The following KLF12 variants were observed in gnomAD, a reference collection of about 807,000 sequenced individuals.
The protein encoded by KLF12 is KLF transcription factor 12.
A neutral mutation model predicts 37.8 loss-of-function variants in KLF12; 9 were observed. The ratio of observed to expected loss-of-function variants is 0.24; its 90% CI spans 0.14 to 0.42. KLF12 has a LOEUF of 0.42. Among genes scored for constraint, KLF12 ranks in the 10% least tolerant of loss-of-function variants. The probability of loss-of-function intolerance (pLI) is 1.00; values close to 1 mark genes in which losing one functional copy is unlikely to be tolerated. For synonymous variants in KLF12, 208 were observed against 202.1 expected (o/e 1.03, Z -0.25); for missense variants, 411 against 516.0 (o/e 0.80, Z 1.97).
chr13:73,815,288 C>A (rs148150082), intron 4 of KLF12, among the ~76,000 whole-genome samples: 147 of 152,190 alleles, frequency 9.7e-4, no homozygotes, highest in Middle Eastern at 6.8e-3. Flanking sequence ...CCCAGTCACT[C>A]GAAGGGCACT....
rs887987916 is a variant in KLF12 at position 73,687,133 on chromosome 13, C to T, written c.*8357G>A. 4 of 152,594 alleles carry T rather than the reference C, an allele frequency of 2.6e-5. No individual in the cohort carries two copies. The highest frequency in any genetic ancestry group is 9.7e-5 in the African/African-American group (4 of 41,448). 9.5% of individuals were successfully genotyped at this position (152,594 alleles called of 1,614,324 possible). ...AGTTCTGAGTACATTCTTCTATGGA[C>T]AAACATGAATTTGCTGGTTTCTCTT... is the stretch of plus-strand genomic sequence containing the variant. On this transcript the variant is annotated 3_prime_UTR_variant, in exon 8 of 8. Coordinates refer to ENST00000377669, the MANE Select transcript of KLF12 (RefSeq NM_007249.5).
At chr13:73,872,468 T>C (rs1251097357) in intron 3 of KLF12, among the ~76,000 whole-genome samples, 1 of 152,174 alleles carries the variant, frequency 6.6e-6, no homozygotes, top group Non-Finnish European at 1.5e-5. Flanking sequence ...GGGCAGAATG[T>C]AAGGTGGGTG....
chr13:73,739,013 T>C (rs972958030), intron 6 of KLF12, among the ~76,000 whole-genome samples: 1 of 152,096 alleles, frequency 6.6e-6, no homozygotes, highest in African/African-American at 2.4e-5. Flanking sequence ...GGTGGGTGGA[T>C]CACTTGAAGT....
Position 73,695,376 on chromosome 13 carries a change from A to T in KLF12, c.*114T>A. 1.0e-6 allele frequency: 1 copy of T among 990,884 alleles called. No homozygotes were observed. 61.4% of individuals were successfully genotyped at this position (990,884 alleles called of 1,614,324 possible). ...TCTTTTTCCTGCTCTGGTTTCAGAC[A>T]TCGTGGGATGGTGATGCCCTTTTGT... On this transcript the variant is annotated 3_prime_UTR_variant, in exon 8 of 8. Transcript: ENST00000377669.
intron 7 of KLF12, 35 bp from the exon 8 acceptor site, chr13:73,695,706 C>T (rs1283465721): frequency 6.3e-7 from 1 of 1,596,092 alleles, no homozygotes; most frequent in Non-Finnish European, 8.6e-7. Flanking sequence ...CTTTGGTGCT[C>T]CATCCATCAC....
intron 4 of KLF12, among the ~76,000 whole-genome samples, chr13:73,841,078 G>C (rs1256600788): frequency 6.6e-6 from 1 of 152,114 alleles, no homozygotes; most frequent in Non-Finnish European, 1.5e-5. Context: ...AGCACTTGTA[G>C]CATCTGATAC....
the KLF12 span, among the ~76,000 whole-genome samples, chr13:74,197,610 C>T: frequency 0.03 from 4,641 of 152,202 alleles, 114 homozygotes; most frequent in Middle Eastern, 0.071. Context: ...AATATGGGAA[C>T]TCTTCCTGTC....
At chr13:73,710,750 T>C (rs944655436) in intron 7 of KLF12, among the ~76,000 whole-genome samples, 2 of 124,876 alleles carry the variant, frequency 1.6e-5, no homozygotes, top group African/African-American at 3.5e-5. Context: ...GACACAACAA[T>C]ATTGAAATTA....
chr13:74,209,939 C>G, the KLF12 span, among the ~76,000 whole-genome samples: 2 of 152,162 alleles, frequency 1.3e-5, no homozygotes, highest in Admixed American at 1.3e-4. Flanking sequence ...AATTCTTTGA[C>G]CAAATGTGTG....
At chr13:74,171,185 C>A in the KLF12 span, among the ~76,000 whole-genome samples, 1 of 152,182 alleles carries the variant, frequency 6.6e-6, no homozygotes, top group Non-Finnish European at 1.5e-5. Flanking sequence ...CCAGAAGGAT[C>A]CATCTCCTGA....
chr13:73,780,324 T>G (rs140843460), intron 5 of KLF12, among the ~76,000 whole-genome samples: 1 of 152,196 alleles, frequency 6.6e-6, no homozygotes, highest in Non-Finnish European at 1.5e-5. Flanking sequence ...TTCTGAGATT[T>G]TGGTGCACCT....
chr13:73,922,348 C>T, intron 3 of KLF12, among the ~76,000 whole-genome samples: 1 of 152,044 alleles, frequency 6.6e-6, no homozygotes, highest in Middle Eastern at 3.2e-3. Flanking sequence ...ATTTCAGGTA[C>T]AGCACAGGAC....
In KLF12 at chr13:73,905,778, T is replaced by C. The variant is rs149483800; in HGVS notation, c.123+38203A>G. Among the ~76,000 whole-genome samples, 388 of 150,014 alleles carry C rather than the reference T, an allele frequency of 2.6e-3. 10 individuals are homozygous for C. Among genetic ancestry groups the C allele is most frequent in the African/African-American group, 9.1e-3 (357 of 39,410 alleles). On this transcript the variant is annotated intron_variant, in intron 3 of 7. Coordinates refer to ENST00000377669, the MANE Select transcript of KLF12 (RefSeq NM_007249.5). ...ACATGAAACATCCATCAGAAGTTTT[T>C]AAATGTTCATGAGGATGGCTTCTCT...
At chr13:74,283,891 G>T in the KLF12 span, among the ~76,000 whole-genome samples, 1 of 142,544 alleles carries the variant, frequency 7.0e-6, no homozygotes, top group Admixed American at 7.3e-5. Flanking sequence ...ATAGAGTCTT[G>T]CTCTGTCACC....
Position 74,081,940 on chromosome 13 carries a change from A to T in KLF12, c.-32+51799T>A, listed in dbSNP as rs186996563. Among the ~76,000 whole-genome samples the T allele has an allele frequency of 9.2e-5, 14 of 152,304 alleles. No individual in the cohort carries two copies. The East Asian group carries it at 2.7e-3, about 29-fold the overall frequency. On this transcript the variant is annotated intron_variant, in intron 1 of 7. Transcript: ENST00000377669. ...TGTCTGTACATGCCCATTAGCTTGTAAAAGAGCCAATGTAAAACCAAAGAA... is the reference window on the plus strand; with the variant it reads ...TGTCTGTACATGCCCATTAGCTTGTTAAAGAGCCAATGTAAAACCAAAGAA...
intron 3 of KLF12, among the ~76,000 whole-genome samples, chr13:73,941,452 A>G (rs1890182248): frequency 1.3e-5 from 2 of 152,232 alleles, no homozygotes; most frequent in South Asian, 4.1e-4. Context: ...TTATTTATTG[A>G]AATTTCACTA....
At chr13:74,142,624 T>C in the KLF12 span, among the ~76,000 whole-genome samples, 1 of 152,180 alleles carries the variant, frequency 6.6e-6, no homozygotes, top group African/African-American at 2.4e-5. Flanking sequence ...CAGTCCTAAC[T>C]TGGCACTCAG....
chr13:74,060,079 C>T (rs1873483654), intron 1 of KLF12, among the ~76,000 whole-genome samples: 1 of 152,062 alleles, frequency 6.6e-6, no homozygotes, highest in East Asian at 1.9e-4. Flanking sequence ...CAGTATGTGG[C>T]TTGATTTCTG....
the KLF12 span, among the ~76,000 whole-genome samples, chr13:74,147,432 C>T: frequency 6.6e-6 from 1 of 152,220 alleles, no homozygotes; most frequent in Non-Finnish European, 1.5e-5. Flanking sequence ...GAGGGTGCTG[C>T]AGTGGCTGTT....
Sources: gnomAD v4.1 joint callset for allele counts (sites outside exome capture counted in the v4.1 genomes callset) on GRCh38, gnomAD v4.1.1 for gene constraint, MANE v1.5 for transcripts, NCBI Gene and HGNC (gene_info 2026-07-23, HGNC 2026-07-21) for gene names.